Variants in DNAH6 observed in about 807,000 individuals in gnomAD.
The protein encoded by DNAH6 is axonemal beta dynein heavy chain 6.
Under a neutral mutation model 491.4 loss-of-function variants are expected in DNAH6, and 340 were observed. That is an observed-to-expected ratio of 0.69 (90% CI 0.63 to 0.76). DNAH6 has a LOEUF of 0.76. DNAH6 is among the 30% of genes least tolerant of loss of function. DNAH6 has a pLI of 0.00. For synonymous variants in DNAH6, 1,603 were observed against 1,686.1 expected (o/e 0.95, Z 1.21); for missense variants, 4,443 against 4,972.2 (o/e 0.89, Z 3.20).
Position 84,812,425 on chromosome 2 carries a change from A to C in DNAH6, c.11824A>C (p.Asn3942His). ...EMEKVYNSFL[N>H]NQVPALWSNT... ...GGAAAAAGTGTATAACAGTTTCCTC[A>C]ACAACCAGGTTCCCGCTCTGTGGTC... is the stretch of plus-strand genomic sequence containing the variant. The change falls in exon 73 of 77, where the codon AAC becomes CAC. Residue 3942 changes from asparagine to histidine, a missense_variant. Coordinates refer to ENST00000389394, the MANE Select transcript of DNAH6 (RefSeq NM_001370.2). 3.9e-6 allele frequency: 6 copies of C among 1,551,762 alleles called. No homozygotes were observed. Among genetic ancestry groups the C allele is most frequent in the Non-Finnish European group, 5.2e-6 (6 of 1,146,964 alleles).
chr2:84,499,160 C>T, the DNAH6 span, among the ~76,000 whole-genome samples: 4 of 151,956 alleles, frequency 2.6e-5, no homozygotes, highest in African/African-American at 7.3e-5. Flanking sequence ...TTTTTGGTAC[C>T]CATTAACCAT....
At chr2:84,595,161 A>G (rs59119880) in intron 17 of DNAH6, among the ~76,000 whole-genome samples, 6,173 of 152,258 alleles carry the variant, frequency 0.041, 405 homozygotes, top group African/African-American at 0.14. Context: ...ACTGCCATCA[A>G]TATATATGTG....
the DNAH6 span, among the ~76,000 whole-genome samples, chr2:84,485,595 C>G: frequency 6.6e-6 from 1 of 152,054 alleles, no homozygotes; most frequent in Admixed American, 6.6e-5. Flanking sequence ...TTACATGAGG[C>G]TGTACTACGT....
Position 84,813,908 on chromosome 2 carries a change from G to A in DNAH6, c.11999-63G>A, listed in dbSNP as rs1039251296. The A allele has an allele frequency of 9.2e-6, 14 of 1,516,974 alleles. No individual in the cohort carries two copies. In the Admixed American group the frequency reaches 2.6e-4, roughly 28 times the overall value. The allele number at this position is 1,516,974 out of a possible 1,614,324, so 94.0% of individuals were successfully genotyped here. Reference sequence around the variant, plus strand: ...CAGGGCAGCCTGGTTTGGATGAAGGGGAATAGTGCCTGGGGAGTAGCAGTG... The same window carrying A: ...CAGGGCAGCCTGGTTTGGATGAAGGAGAATAGTGCCTGGGGAGTAGCAGTG... On this transcript the variant is annotated intron_variant, in intron 74 of 76. Coordinates refer to ENST00000389394, the MANE Select transcript of DNAH6 (RefSeq NM_001370.2).
intron 4 of DNAH6, among the ~76,000 whole-genome samples, chr2:84,532,746 A>G (rs1402953300): frequency 2.0e-5 from 3 of 152,162 alleles, no homozygotes; most frequent in Non-Finnish European, 4.4e-5. Context: ...ATTGAGATCT[A>G]AACTATGGAA....
chr2:84,604,966 T>C (rs1685608061), intron 19 of DNAH6, among the ~76,000 whole-genome samples: 1 of 152,192 alleles, frequency 6.6e-6, no homozygotes, highest in African/African-American at 2.4e-5. Context: ...TAAAAGGAAT[T>C]CTTTTTCTGT....
intron 70 of DNAH6, among the ~76,000 whole-genome samples, chr2:84,798,988 CTTT>C (rs34678148): frequency 7.6e-4 from 104 of 136,610 alleles, no homozygotes; most frequent in Middle Eastern, 3.8e-3. Context: ...TTTTTCTTTC[CTTT>C]TTTTTTTTTT....
At position 84,709,592 on chromosome 2, in the gene DNAH6, G is replaced by A. The variant is rs536762526; in HGVS notation, c.9252+46G>A. On this transcript the variant is annotated intron_variant, in intron 55 of 76. Transcript: ENST00000389394. Reference sequence around the variant, plus strand: ...AGAGTGGCTTTTGGTTCTGCTTAATGTTGAGCTAGCTATTAAAAATTATAA... The same window carrying A: ...AGAGTGGCTTTTGGTTCTGCTTAATATTGAGCTAGCTATTAAAAATTATAA... 3.9e-6 allele frequency: 6 copies of A among 1,538,992 alleles called. No homozygotes were observed. The South Asian group carries it at 4.8e-5, about 12-fold the overall frequency.
the DNAH6 span, among the ~76,000 whole-genome samples, chr2:84,465,155 G>A: frequency 6.6e-6 from 1 of 152,170 alleles, no homozygotes; most frequent in Non-Finnish European, 1.5e-5. Context: ...TAACGCTTGA[G>A]TTTTGACAAA....
chr2:84,685,352 A>G lies in DNAH6; in HGVS notation c.6943A>G (p.Ile2315Val), dbSNP rs1573479718. 1.3e-6 allele frequency: 2 copies of G among 1,519,198 alleles called. No homozygotes were observed. Among genetic ancestry groups the G allele is most frequent in the Non-Finnish European group, 1.8e-6 (2 of 1,128,390 alleles). 94.1% of individuals were successfully genotyped at this position (1,519,198 alleles called of 1,614,324 possible). A position where few individuals can be genotyped will look rare whatever the true frequency, so the allele number is the denominator to read the frequency against. ...QGILQCDPGTIREEIQIFRLF... is the reference protein window; with the variant it reads ...QGILQCDPGTVREEIQIFRLF... Reference sequence around the variant, plus strand: ...TATCCTCCAATGTGATCCAGGAACAATAAGAGAAGAAATTCAGATATTTAG... The same window carrying G: ...TATCCTCCAATGTGATCCAGGAACAGTAAGAGAAGAAATTCAGATATTTAG... Residue 2315 changes from isoleucine to valine, a missense_variant, in exon 43 of 77, where the codon ATA becomes GTA. Coordinates refer to ENST00000389394, the MANE Select transcript of DNAH6 (RefSeq NM_001370.2).
chr2:84,633,246 C>G (rs778337722), intron 29 of DNAH6, among the ~76,000 whole-genome samples: 1 of 152,180 alleles, frequency 6.6e-6, no homozygotes, highest in Non-Finnish European at 1.5e-5. Context: ...CCATCTTTCT[C>G]TCCTTGTCTC....
At chr2:84,633,033 A>G (rs948008355) in intron 29 of DNAH6, among the ~76,000 whole-genome samples, 1 of 152,158 alleles carries the variant, frequency 6.6e-6, no homozygotes, top group Non-Finnish European at 1.5e-5. Context: ...GAATGAAAGA[A>G]CTACCAAGAG....
Position 84,688,583 on chromosome 2 carries a change from C to G in DNAH6, c.7282C>G (p.His2428Asp). The G allele has an allele frequency of 6.5e-7, 1 of 1,540,148 alleles. No individual in the cohort carries two copies. Among genetic ancestry groups the G allele is most frequent in the Non-Finnish European group, 8.7e-7 (1 of 1,144,382 alleles). The change falls in exon 45 of 77, where the codon CAT becomes GAT. Residue 2428 changes from histidine (H) to aspartate (D), a missense_variant. By Grantham distance (81) the His-to-Asp change is moderately conservative. Coordinates refer to ENST00000389394, the MANE Select transcript of DNAH6 (RefSeq NM_001370.2). ...GGTGTTCTTCCAGGATGCTATAGAA[C>G]ATGTTTCAAGGTATAGTGCTATAAG... ...KLVFFQDAIE[H>D]VSRIARMIRQ...
At chr2:84,569,608 C>A (rs779495130) in intron 11 of DNAH6, among the ~76,000 whole-genome samples, 3 of 152,036 alleles carry the variant, frequency 2.0e-5, no homozygotes, top group Non-Finnish European at 4.4e-5. Context: ...AACCAAGTAA[C>A]TTTTGAGCAC....
At chr2:84,729,510 G>A (rs938418635) in intron 61 of DNAH6, among the ~76,000 whole-genome samples, 1 of 152,112 alleles carries the variant, frequency 6.6e-6, no homozygotes, top group African/African-American at 2.4e-5. Context: ...AACTCAAAGA[G>A]GTTAAAGAGC....
At chr2:84,627,942 C>T (rs1688035025) in intron 29 of DNAH6, among the ~76,000 whole-genome samples, 1 of 152,178 alleles carries the variant, frequency 6.6e-6, no homozygotes, top group Non-Finnish European at 1.5e-5. Flanking sequence ...TGGGATATCT[C>T]ATGGAATCCA....
At chr2:84,543,541 C>T (rs375387679) in intron 4 of DNAH6, among the ~76,000 whole-genome samples, 1 of 152,146 alleles carries the variant, frequency 6.6e-6, no homozygotes, top group Non-Finnish European at 1.5e-5. Flanking sequence ...CAGAGAATAT[C>T]GTTTTGCTGT....
At position 84,658,163 on chromosome 2, in the gene DNAH6, G is replaced by A. The variant is rs1288181086; in HGVS notation, c.5758-129G>A. On this transcript the variant is annotated intron_variant, in intron 35 of 76. Coordinates refer to ENST00000389394, the MANE Select transcript of DNAH6 (RefSeq NM_001370.2). ...TAAAATTTAATTTGTTTAATATGTT[G>A]TGATAGTTATAGCCTTTGGTCTAAA... 11 of 548,254 alleles carry A rather than the reference G, an allele frequency of 2.0e-5. No individual in the cohort carries two copies. In the East Asian group the frequency reaches 3.3e-4, roughly 16 times the overall value. 34.0% of individuals were successfully genotyped at this position (548,254 alleles called of 1,614,324 possible). A position where few individuals can be genotyped will look rare whatever the true frequency, so the allele number is the denominator to read the frequency against.
chr2:84,807,618 G>A (rs1679543621), intron 71 of DNAH6, among the ~76,000 whole-genome samples: 1 of 152,158 alleles, frequency 6.6e-6, no homozygotes, highest in African/African-American at 2.4e-5. Flanking sequence ...GTATGGTAGA[G>A]GGGGAGACTT....
Sources: allele counts gnomAD v4.1 joint callset (sites outside exome capture counted in the v4.1 genomes callset), GRCh38; gene constraint gnomAD v4.1.1; transcripts MANE v1.5; gene names NCBI Gene and HGNC (gene_info 2026-07-23, HGNC 2026-07-21).